The following USP32 variants were observed in gnomAD, a reference collection of about 807,000 sequenced individuals.
The protein encoded by USP32 is ubiquitin specific peptidase 32.
Under a neutral mutation model 204.8 loss-of-function variants are expected in USP32, and 59 were observed. The ratio of observed to expected loss-of-function variants is 0.29; its 90% confidence interval spans 0.23 to 0.36. The LOEUF is 0.36. USP32 is among the 10% of genes least tolerant of loss of function. The pLI, the probability that USP32 is intolerant of heterozygous loss-of-function variation, is 1.00. For synonymous variants in USP32, 517 were observed against 678.4 expected (o/e 0.76, Z 3.70); for missense variants, 1,160 against 1,946.4 (o/e 0.60, Z 7.60).
At chr17:60,207,407 C>A (rs1352031250) in intron 24 of USP32, among the ~76,000 whole-genome samples, 1 of 151,986 alleles carries the variant, frequency 6.6e-6, no homozygotes, top group Non-Finnish European at 1.5e-5. Context: ...TAAATTCCAA[C>A]CCTCAGAGAC....
intron 2 of USP32, among the ~76,000 whole-genome samples, chr17:60,331,679 G>A (rs1175240892): frequency 1.4e-5 from 2 of 145,048 alleles, no homozygotes; most frequent in Admixed American, 7.0e-5. Context: ...GGAGGCCAAG[G>A]TGGGAGGATT....
intron 12 of USP32, among the ~76,000 whole-genome samples, chr17:60,233,018 G>T (rs577962479): frequency 6.6e-6 from 1 of 152,106 alleles, no homozygotes; most frequent in Non-Finnish European, 1.5e-5. Flanking sequence ...TAATCTCATT[G>T]TTCATATGTG....
Position 60,214,723 on chromosome 17 carries a change from C to G in USP32, c.1919G>C (p.Gly640Ala). 1 of 1,613,804 alleles carries G rather than the reference C, an allele frequency of 6.2e-7. No homozygotes were observed. The highest frequency in any genetic ancestry group is 8.5e-7 in the Non-Finnish European group (1 of 1,179,816). ...APLKRVLAYTGCFSRMQTIKE... is the reference protein window; with the variant it reads ...APLKRVLAYTACFSRMQTIKE... ...GATGGTCTGCATTCGACTAAAACAG[C>G]CTGTATAGGCTAATACCCGCTTTAA... Residue 640 changes from glycine to alanine, a missense_variant, in exon 17 of 34, where the codon GGC becomes GCC. Gly to Ala is a moderately conservative substitution (Grantham distance 60). Coordinates refer to ENST00000300896, the MANE Select transcript of USP32 (RefSeq NM_032582.4).
intron 1 of USP32, among the ~76,000 whole-genome samples, chr17:60,420,590 C>G (rs1392454206): frequency 1.3e-5 from 2 of 152,150 alleles, no homozygotes; most frequent in South Asian, 2.1e-4. Context: ...TGGCTTGAAC[C>G]CGAGAGGCGG....
chr17:60,215,258 C>T (rs2085072455), intron 16 of USP32, among the ~76,000 whole-genome samples: 1 of 152,134 alleles, frequency 6.6e-6, no homozygotes, highest in Non-Finnish European at 1.5e-5. Context: ...AGGTGTGAGC[C>T]ACCAAGCCCA....
At chr17:60,332,509 G>C (rs961274714) in intron 2 of USP32, among the ~76,000 whole-genome samples, 1 of 151,776 alleles carries the variant, frequency 6.6e-6, no homozygotes, top group Non-Finnish European at 1.5e-5. Context: ...TTAGCTGGGC[G>C]TGGTGGTGGG....
intron 1 of USP32, among the ~76,000 whole-genome samples, chr17:60,389,126 A>AC: frequency 6.6e-6 from 1 of 152,240 alleles, no homozygotes; most frequent in Middle Eastern, 3.4e-3. Flanking sequence ...AATCCTATCT[A>AC]CCCTTTCCCC....
Position 60,212,090 on chromosome 17 carries a change from T to C in USP32, c.2113A>G (p.Lys705Glu). Residue 705 changes from lysine (K) to glutamate (E), a missense_variant, in exon 19 of 34, where the codon AAA (lysine) becomes GAA (glutamate). This residue lies in a region of USP32 where 132 missense variants were observed against 432.8 expected (regional missense o/e 0.30). Coordinates refer to ENST00000300896, the MANE Select transcript of USP32 (RefSeq NM_032582.4). The stretch of plus-strand genomic sequence containing the variant: ...ATCTCCTCAGGCCAACTCATATCTT[T>C]GTTGCGAACTGGAAGGACAGATAGG... The part of the protein sequence containing the change: ...EQHLVIEVRN[K>E]DMSWPEEMSF... The C allele has an allele frequency of 6.2e-7, 1 of 1,607,128 alleles. No individual in the cohort carries two copies. Among genetic ancestry groups the C allele is most frequent in the Non-Finnish European group, 8.5e-7 (1 of 1,176,076 alleles).
chr17:60,208,884 A>G (rs2084895540), intron 22 of USP32, 56 bp from the exon 23 acceptor site: 1 of 1,478,294 alleles, frequency 6.8e-7, no homozygotes, highest in African/African-American at 1.4e-5. Flanking sequence ...AAGCATTTCT[A>G]TATAAATTCA....
intron 1 of USP32, among the ~76,000 whole-genome samples, chr17:60,380,555 A>G (rs1330539962): frequency 6.6e-6 from 1 of 152,184 alleles, no homozygotes. Context: ...GTGGCATAAA[A>G]AAGTCATTCC....
At chr17:60,198,542 C>A in intron 26 of USP32, 98 bp from the exon 27 acceptor site, 2 of 1,374,382 alleles carry the variant, frequency 1.5e-6, no homozygotes, top group Admixed American at 2.2e-5. Flanking sequence ...GCACTATCAC[C>A]ATTTCAAATC....
chr17:60,304,628 G>A (rs867723733), intron 2 of USP32, among the ~76,000 whole-genome samples: 31 of 152,226 alleles, frequency 2.0e-4, no homozygotes, highest in African/African-American at 6.3e-4. Flanking sequence ...AGTAAAACAC[G>A]TAACAATAGC....
intron 1 of USP32, among the ~76,000 whole-genome samples, chr17:60,378,899 G>C (rs1373234693): frequency 6.6e-6 from 1 of 151,874 alleles, no homozygotes. Flanking sequence ...TTTTAAAATA[G>C]TTCAAATGGT....
chr17:60,354,629 G>A (rs1320639355), intron 1 of USP32, among the ~76,000 whole-genome samples: 1 of 152,178 alleles, frequency 6.6e-6, no homozygotes, highest in Non-Finnish European at 1.5e-5. Context: ...CTACTGCAGA[G>A]CCACTTCAGG....
intron 1 of USP32, among the ~76,000 whole-genome samples, chr17:60,397,374 T>C (rs1393954819): frequency 6.6e-6 from 1 of 152,190 alleles, no homozygotes; most frequent in Non-Finnish European, 1.5e-5. Context: ...TTGTTGTTGT[T>C]GTTTAAGACA....
intron 9 of USP32, chr17:60,256,766 A>G: frequency 8.4e-7 from 1 of 1,189,284 alleles, no homozygotes; most frequent in Non-Finnish European, 1.1e-6. Flanking sequence ...AATCTCCCAA[A>G]TCAAGTATAC....
At chr17:60,380,871 T>C (rs2089635850) in intron 1 of USP32, among the ~76,000 whole-genome samples, 1 of 152,240 alleles carries the variant, frequency 6.6e-6, no homozygotes, top group African/African-American at 2.4e-5. Context: ...TTTGTGCTTG[T>C]CCTTGCATAT....
chr17:60,356,205 T>A (rs2089073168), intron 1 of USP32, among the ~76,000 whole-genome samples: 1 of 152,166 alleles, frequency 6.6e-6, no homozygotes, highest in Non-Finnish European at 1.5e-5. Flanking sequence ...GTGGCAACTA[T>A]ATAACTTCAC....
chr17:60,366,791 G>A (rs547389559), intron 1 of USP32, among the ~76,000 whole-genome samples: 229 of 151,454 alleles, frequency 1.5e-3, no homozygotes, highest in African/African-American at 5.4e-3. Context: ...ACAGAGACAC[G>A]CTATTACTAA....
Sources: gnomAD v4.1 joint callset for allele counts (sites outside exome capture counted in the v4.1 genomes callset) on GRCh38, gnomAD v4.1.1 for gene constraint, gnomAD v4.1.1 regional missense constraint, MANE v1.5 for transcripts, NCBI Gene and HGNC (gene_info 2026-07-23, HGNC 2026-07-21) for gene names.